Variants in GDA observed in about 807,000 individuals in gnomAD.
The protein encoded by GDA is cytoplasmic PSD-95 interactor.
GDA carries 18 observed loss-of-function variants against 59.6 expected under a neutral mutation model. The observed-to-expected ratio is 0.30, with a 90% CI of 0.21 to 0.45. The LOEUF (loss-of-function observed/expected upper bound fraction) is 0.45. GDA is among the 20% of genes least tolerant of loss of function. The pLI, the probability that GDA is intolerant of heterozygous loss-of-function variation, is 1.00. For missense variants in GDA, 427 were observed against 552.3 expected, an observed-to-expected ratio of 0.77 and a Z score of 2.27; for synonymous variants, 201 against 201.1, an observed-to-expected ratio of 1.00 and a Z score of 0.00.
chr9:72,241,117 A>G (rs1465399964), intron 10 of GDA, 35 bp from the exon 11 acceptor site: 1 of 1,515,788 alleles, frequency 6.6e-7, no homozygotes, highest in East Asian at 2.3e-5. Flanking sequence ...TATCCTCACA[A>G]GGTTACTGTT....
At chr9:72,255,297 A>G (rs1164633418), downstream of GDA, among the ~76,000 whole-genome samples, 1 of 152,218 alleles carries the variant, frequency 6.6e-6, no homozygotes, top group Non-Finnish European at 1.5e-5. Context: ...CTTCCAGGTC[A>G]TCCTCATAGC....
intron 1 of GDA, among the ~76,000 whole-genome samples, chr9:72,174,839 G>A (rs547997925): frequency 6.6e-6 from 1 of 151,974 alleles, no homozygotes; most frequent in Admixed American, 6.6e-5. Context: ...AATTGGAAAA[G>A]CTTCCTAAGG....
downstream of GDA, among the ~76,000 whole-genome samples, chr9:72,254,418 A>G (rs1455576691): frequency 6.6e-6 from 1 of 152,126 alleles, no homozygotes. Flanking sequence ...AGTAAAAAAT[A>G]AATGTTTTCT....
rs559339901 is a variant in GDA at position 72,208,568 on chromosome 9, T to C, written c.385-2119T>C. Among the ~76,000 whole-genome samples, 4 of 152,340 alleles carry C rather than the reference T, an allele frequency of 2.6e-5. No individual in the cohort carries two copies. The East Asian group carries it at 7.7e-4, about 29-fold the overall frequency. On this transcript the variant is annotated intron_variant, in intron 3 of 13. Coordinates refer to ENST00000358399, the MANE Select transcript of GDA (RefSeq NM_004293.5). ...AATCTTGGCATTCTCTTTGCCTCTTTCCTGCGTTTAATGCCCACTCCCTGG... is the reference window on the plus strand; with the variant it reads ...AATCTTGGCATTCTCTTTGCCTCTTCCCTGCGTTTAATGCCCACTCCCTGG...
downstream of GDA, among the ~76,000 whole-genome samples, chr9:72,255,494 T>C (rs1018168168): frequency 1.3e-5 from 2 of 152,186 alleles, no homozygotes; most frequent in Admixed American, 1.3e-4. Flanking sequence ...GATCCTGTTT[T>C]GGTCAGCAAG....
At chr9:72,139,717 A>G (rs1826374816) in intron 1 of GDA, among the ~76,000 whole-genome samples, 1 of 152,148 alleles carries the variant, frequency 6.6e-6, no homozygotes, top group African/African-American at 2.4e-5. Context: ...TGTGATTCTT[A>G]GTGTGAGGGC....
At chr9:72,202,140 G>A (rs960390815) in intron 2 of GDA, among the ~76,000 whole-genome samples, 1 of 152,150 alleles carries the variant, frequency 6.6e-6, no homozygotes, top group South Asian at 2.1e-4. Flanking sequence ...ACCTTTAGTT[G>A]CCCTTAGTGA....
chr9:72,202,118 A>G (rs866694892), intron 2 of GDA, among the ~76,000 whole-genome samples: 82 of 152,354 alleles, frequency 5.4e-4, no homozygotes, highest in African/African-American at 1.9e-3. Context: ...AATTGCAGCC[A>G]GTCTGTTTCT....
In GDA at chr9:72,123,181, T is replaced by G. The variant is rs900910769; in HGVS notation, c.-100+8348T>G. On this transcript the variant is annotated intron_variant, in intron 1 of 13. Coordinates refer to the GDA transcript ENST00000545168. ...TCAGAGCTGTTTGTTTTCTTTTTTC[T>G]TCCCTTTTTTTTTTTTTTTTGAGAC... Among the ~76,000 whole-genome samples the G allele has an allele frequency of 2.5e-5, 3 of 121,038 alleles. No homozygotes were observed. In the Admixed American group the frequency reaches 3.0e-4, roughly 12 times the overall value. 79.4% of individuals were successfully genotyped at this position (121,038 alleles called of 152,430 possible).
Position 72,248,929 on chromosome 9 carries a change from G to T in GDA, c.*587G>T. 2.0e-6 allele frequency: 2 copies of T among 985,812 alleles called. No homozygotes were observed. The highest frequency in any genetic ancestry group is 1.2e-6 in the Non-Finnish European group (1 of 829,830). The allele number at this position is 985,812 out of a possible 1,614,324, so 61.1% of individuals were successfully genotyped here. On this transcript the variant is annotated 3_prime_UTR_variant, in exon 14 of 14. Coordinates refer to ENST00000358399, the MANE Select transcript of GDA (RefSeq NM_004293.5). ...TAGAAATTTGCACTTAATGGAATTT[G>T]CATTTCAGAGATGTGTTAGTGTTGT...
Position 72,227,786 on chromosome 9 carries a change from C to T in GDA, c.823-157C>T, listed in dbSNP as rs561256393. The stretch of plus-strand genomic sequence containing the variant: ...GGCCTTTTCTAAGGTATAACTTGTA[C>T]CTAGCAACTTTGTACATATAGATCA... On this transcript the variant is annotated intron_variant, in intron 8 of 13. Coordinates refer to ENST00000358399, the MANE Select transcript of GDA (RefSeq NM_004293.5). Among the ~76,000 whole-genome samples the T allele has an allele frequency of 4.6e-5, 7 of 152,290 alleles. No individual in the cohort carries two copies. In the East Asian group the frequency reaches 1.4e-3, roughly 29 times the overall value.
chr9:72,208,987 T>C (rs1835046318), intron 3 of GDA, among the ~76,000 whole-genome samples: 1 of 152,128 alleles, frequency 6.6e-6, no homozygotes, highest in Non-Finnish European at 1.5e-5. Flanking sequence ...GATTTTTGGT[T>C]ACAGAATGAT....
At chr9:72,146,415 A>G (rs1370739983), upstream of GDA, among the ~76,000 whole-genome samples, 2 of 151,992 alleles carry the variant, frequency 1.3e-5, no homozygotes, top group Admixed American at 6.6e-5. Flanking sequence ...CTTTCCTCCA[A>G]ACCTCTGTAG....
At chr9:72,210,914 C>A (rs1476029555) in intron 4 of GDA, 140 bp downstream of exon 4, 3 of 626,722 alleles carry the variant, frequency 4.8e-6, no homozygotes, top group Non-Finnish European at 5.7e-6. Context: ...CAAGTAATTA[C>A]GTGTCTATAT....
intron 5 of GDA, among the ~76,000 whole-genome samples, chr9:72,218,453 T>A (rs1836434611): frequency 6.6e-6 from 1 of 152,206 alleles, no homozygotes; most frequent in Non-Finnish European, 1.5e-5. Flanking sequence ...TCCCAGCTTA[T>A]CTATTAATCC....
rs779786795 is a variant in GDA, at chr9:72,173,335, C to CT, written c.124-22149dup. 6.0e-3 allele frequency among the ~76,000 whole-genome samples: 855 copies of CT among 141,346 alleles called. 2 individuals carry two copies. Among genetic ancestry groups the CT allele is most frequent in the East Asian group, 0.022 (110 of 4,920 alleles). The allele number at this position is 141,346 out of a possible 152,430, so 92.7% of individuals were successfully genotyped here. On this transcript the variant is annotated intron_variant, in intron 1 of 13. Coordinates refer to ENST00000358399, the MANE Select transcript of GDA (RefSeq NM_004293.5). ...TGAAATACTGCTCTGACTTCCCCTT[C>CT]TTTTTTTTTTTTTTTTAGATGGAGT...
intron 1 of GDA, among the ~76,000 whole-genome samples, chr9:72,186,287 G>T (rs1002346915): frequency 1.3e-5 from 2 of 152,124 alleles, no homozygotes; most frequent in East Asian, 3.8e-4. Flanking sequence ...TCTTCTATCA[G>T]TCTTTCTTGT....
Position 72,205,110 on chromosome 9 carries a change from C to CAAA in GDA, c.384+2388_384+2390dup, listed in dbSNP as rs71357549. 6.3e-3 allele frequency among the ~76,000 whole-genome samples: 533 copies of CAAA among 85,128 alleles called. 8 individuals are homozygous for CAAA. Among genetic ancestry groups the CAAA allele is most frequent in the East Asian group, 0.014 (38 of 2,786 alleles). 55.8% of individuals were successfully genotyped at this position (85,128 alleles called of 152,430 possible). A position where few individuals can be genotyped will look rare whatever the true frequency, so the allele number is the denominator to read the frequency against. Reference sequence around the variant, plus strand: ...TGGGTGACAGAGTGAGACTCTGTCTCAAAAAAAAAAAAAAAAAAAAAATTG... The same window carrying CAAA: ...TGGGTGACAGAGTGAGACTCTGTCTCAAAAAAAAAAAAAAAAAAAAAAAAATTG... On this transcript the variant is annotated intron_variant, in intron 3 of 13. Coordinates refer to ENST00000358399, the MANE Select transcript of GDA (RefSeq NM_004293.5).
At chr9:72,134,058 T>C (rs1297179089) in intron 1 of GDA, among the ~76,000 whole-genome samples, 1 of 152,054 alleles carries the variant, frequency 6.6e-6, no homozygotes, top group Non-Finnish European at 1.5e-5. Flanking sequence ...GGGACAAACA[T>C]CGGGAGGATC....
Sources: gnomAD v4.1 joint callset for allele counts (sites outside exome capture counted in the v4.1 genomes callset) on GRCh38, gnomAD v4.1.1 for gene constraint, MANE v1.5 for transcripts, NCBI Gene and HGNC (gene_info 2026-07-23, HGNC 2026-07-21) for gene names.